The following ZWILCH variants were observed in gnomAD, a reference collection of about 807,000 sequenced individuals.
ZWILCH encodes the protein protein zwilch homolog.
ZWILCH carries 74 observed loss-of-function variants against 79.9 expected under a neutral mutation model. The ratio of observed to expected loss-of-function variants is 0.93; its 90% CI spans 0.77 to 1.12. The LOEUF is 1.12. Among genes scored for constraint, ZWILCH ranks in the 50% most tolerant of loss-of-function variants. ZWILCH has a pLI of 0.00. For synonymous variants in ZWILCH, 241 were observed against 228.2 expected (o/e 1.06, Z -0.51); for missense variants, 694 against 687.5 (o/e 1.01, Z -0.11).
chr15:66,534,054 T>C (rs1364862176), intron 14 of ZWILCH, among the ~76,000 whole-genome samples: 1 of 152,180 alleles, frequency 6.6e-6, no homozygotes, highest in African/African-American at 2.4e-5. Context: ...TGCAGTGAGC[T>C]GTGATCGTGG....
At chr15:66,511,988 T>A (rs2140742359) in intron 2 of ZWILCH, among the ~76,000 whole-genome samples, 1 of 152,342 alleles carries the variant, frequency 6.6e-6, no homozygotes. Context: ...AAAGGCAGTC[T>A]AATAGTATCA....
chr15:66,549,906 A>G lies in ZWILCH; in HGVS notation c.*1582A>G. ...TAAATAGAAATTTGACATTGCTTCA[A>G]AGAAACCTGATTTTAATCATAAGTA... On this transcript the variant is annotated 3_prime_UTR_variant, in exon 19 of 19. Coordinates refer to ENST00000307897, the MANE Select transcript of ZWILCH (RefSeq NM_017975.5). The G allele has an allele frequency of 1.9e-6, 1 of 522,656 alleles. No homozygotes were observed. Among genetic ancestry groups the G allele is most frequent in the Non-Finnish European group, 3.3e-6 (1 of 302,792 alleles). 32.4% of individuals were successfully genotyped at this position (522,656 alleles called of 1,614,324 possible).
In ZWILCH at chr15:66,540,166, T is replaced by A; in HGVS notation, c.1643T>A (p.Leu548Gln). 1 of 1,613,800 alleles carries A rather than the reference T, an allele frequency of 6.2e-7. No homozygotes were observed. Among genetic ancestry groups the A allele is most frequent in the Non-Finnish European group, 8.5e-7 (1 of 1,179,774 alleles). ...GQKKIKTVWQLSDSSPIDHLN... is the reference protein window; with the variant it reads ...GQKKIKTVWQQSDSSPIDHLN... ...AAGAAGATTAAGACAGTTTGGCAAC[T>A]GAGTGACAGCTCACCCATAGACCAT... is the stretch of plus-strand genomic sequence containing the variant. The change falls in exon 17 of 19, where the codon CTG becomes CAG. Residue 548 changes from leucine to glutamine, a missense_variant. By Grantham distance (113) the Leu-to-Gln change is moderately radical. Transcript: ENST00000307897.
chr15:66,515,700 T>A, intron 4 of ZWILCH, 56 bp downstream of exon 4: 1 of 1,246,720 alleles, frequency 8.0e-7, no homozygotes, highest in Non-Finnish European at 1.2e-6. Flanking sequence ...ATTGAAACAT[T>A]CTTATAAACG....
At chr15:66,529,669 G>A in intron 12 of ZWILCH, 96 bp downstream of exon 12, 1 of 909,100 alleles carries the variant, frequency 1.1e-6, no homozygotes, top group Non-Finnish European at 1.8e-6. Context: ...CTGAATTTCA[G>A]CTCTGCTACT....
intron 2 of ZWILCH, among the ~76,000 whole-genome samples, chr15:66,509,578 A>G (rs913369018): frequency 1.3e-5 from 2 of 151,958 alleles, no homozygotes; most frequent in African/African-American, 4.8e-5. Flanking sequence ...GTTGAAGGAC[A>G]TTGGGTTTTT....
intron 6 of ZWILCH, 92 bp downstream of exon 6, chr15:66,520,752 C>A: frequency 1.2e-6 from 1 of 823,104 alleles, no homozygotes; most frequent in Non-Finnish European, 1.9e-6. Flanking sequence ...CCTAAGATGA[C>A]TAGATATTTT....
chr15:66,510,928 C>T (rs573973071), intron 2 of ZWILCH, among the ~76,000 whole-genome samples: 1 of 152,302 alleles, frequency 6.6e-6, no homozygotes, highest in East Asian at 1.9e-4. Context: ...AATTAATCCT[C>T]ATCTTGATTA....
At chr15:66,544,482 G>A (rs1895291822) in intron 17 of ZWILCH, among the ~76,000 whole-genome samples, 1 of 151,526 alleles carries the variant, frequency 6.6e-6, no homozygotes, top group African/African-American at 2.4e-5. Flanking sequence ...ATGGGTGGGC[G>A]CCATCATGCC....
chr15:66,528,095 T>C (rs1667377405), intron 10 of ZWILCH, among the ~76,000 whole-genome samples, 183 bp downstream of exon 10: 2 of 152,148 alleles, frequency 1.3e-5, no homozygotes, highest in Non-Finnish European at 2.9e-5. Flanking sequence ...ATGATAAATA[T>C]TTTTATTTAA....
chr15:66,515,364 C>G (rs187140437), intron 3 of ZWILCH, among the ~76,000 whole-genome samples, 162 bp from the exon 4 acceptor site: 1 of 152,250 alleles, frequency 6.6e-6, no homozygotes, highest in Non-Finnish European at 1.5e-5. Context: ...TGGTACCAAG[C>G]TAGTTTGTGG....
chr15:66,542,217 G>A (rs367961128), intron 17 of ZWILCH, among the ~76,000 whole-genome samples: 3 of 151,664 alleles, frequency 2.0e-5, no homozygotes, highest in Admixed American at 1.3e-4. Flanking sequence ...TTGGGAGGCC[G>A]AGGTGGGCGG....
chr15:66,534,033 G>A (rs182504164), intron 14 of ZWILCH, among the ~76,000 whole-genome samples: 91 of 152,226 alleles, frequency 6.0e-4, no homozygotes, highest in Non-Finnish European at 8.8e-4. Context: ...TTGAGCCGGG[G>A]AAGTTGAAGC....
intron 2 of ZWILCH, among the ~76,000 whole-genome samples, 197 bp downstream of exon 2, chr15:66,509,089 G>A (rs529403572): frequency 6.6e-6 from 1 of 152,102 alleles, no homozygotes; most frequent in Non-Finnish European, 1.5e-5. Flanking sequence ...ACAGGTGCCT[G>A]CCACCACGCC....
In ZWILCH at chr15:66,508,800, A is replaced by G. The variant is rs62011884; in HGVS notation, c.54-41A>G. 0.068 allele frequency: 108,996 copies of G among 1,612,324 alleles called. 4,169 individuals are homozygous for G. The highest frequency in any genetic ancestry group is 0.12 in the Middle Eastern group (727 of 6,060). On this transcript the variant is annotated intron_variant, in intron 1 of 18. Coordinates refer to ENST00000307897, the MANE Select transcript of ZWILCH (RefSeq NM_017975.5). ...CTCCTGAGTGTGAATAACGGGAGAG[A>G]TAATGTAGTTCTGTTTTTCACATGT... is the stretch of plus-strand genomic sequence containing the variant.
chr15:66,519,566 G>A (rs1458319008), intron 5 of ZWILCH, among the ~76,000 whole-genome samples: 2 of 152,050 alleles, frequency 1.3e-5, no homozygotes, highest in Non-Finnish European at 2.9e-5. Flanking sequence ...GCAGTTCTCT[G>A]CCTCAGCTTC....
intron 15 of ZWILCH, 81 bp downstream of exon 15, chr15:66,536,150 T>C (rs1595919871): frequency 2.3e-6 from 3 of 1,284,420 alleles, no homozygotes; most frequent in Non-Finnish European, 3.2e-6. Flanking sequence ...ACAGTTTTTA[T>C]TACCAGTTAG....
rs111319897 is a variant in ZWILCH, at chr15:66,533,871, A to G, written c.1341+858A>G. Among the ~76,000 whole-genome samples, 1,256 of 152,178 alleles carry G rather than the reference A, an allele frequency of 8.3e-3. 25 individuals are homozygous for G. The highest frequency in any genetic ancestry group is 0.029 in the African/African-American group (1,204 of 41,520). On this transcript the variant is annotated intron_variant, in intron 14 of 18. Transcript: ENST00000307897. Reference sequence around the variant, plus strand: ...ACAGTGGCTCCCTCCTGTAATCCCAACACTTTGGGAGGATCACTTGAGCCC... The same window carrying G: ...ACAGTGGCTCCCTCCTGTAATCCCAGCACTTTGGGAGGATCACTTGAGCCC...
intron 1 of ZWILCH, among the ~76,000 whole-genome samples, chr15:66,506,558 A>T (rs926059154): frequency 6.6e-6 from 1 of 152,154 alleles, no homozygotes; most frequent in Non-Finnish European, 1.5e-5. Flanking sequence ...AATCCCAGCT[A>T]CTTGGGAGAA....
Sources: allele counts gnomAD v4.1 joint callset (sites outside exome capture counted in the v4.1 genomes callset), GRCh38; gene constraint gnomAD v4.1.1; transcripts MANE v1.5; gene names NCBI Gene and HGNC (gene_info 2026-07-23, HGNC 2026-07-21).